EXOSC2: variants seen among roughly 807,000 people sequenced by gnomAD.
The protein encoded by EXOSC2 is exosome complex component RRP4.
EXOSC2 carries 29 observed loss-of-function variants against 37.6 expected under a neutral mutation model. The ratio of observed to expected loss-of-function variants is 0.77; its 90% CI spans 0.57 to 1.05. The LOEUF (loss-of-function observed/expected upper bound fraction) is 1.05. EXOSC2 is among the 50% of genes least tolerant of loss of function. The pLI is 0.00. For missense variants in EXOSC2, 346 were observed against 365.6 expected, an observed-to-expected ratio of 0.95 and a Z score of 0.44; for synonymous variants, 119 against 131.1, an observed-to-expected ratio of 0.91 and a Z score of 0.63.
chr9:130,700,534 CT>C (rs1369835269), intron 5 of EXOSC2, among the ~76,000 whole-genome samples: 3 of 150,404 alleles, frequency 2.0e-5, no homozygotes, highest in African/African-American at 7.4e-5. Flanking sequence ...TAATTTTGTA[CT>C]TTTAGTAGAG....
At chr9:130,697,887 A>T in intron 3 of EXOSC2, 1 of 534,980 alleles carries the variant, frequency 1.9e-6, no homozygotes, top group Non-Finnish European at 3.4e-6. Flanking sequence ...TCCACCTCCC[A>T]GGTTCAAGCG....
chr9:130,697,516 A>AACCACAAGACT, intron 2 of EXOSC2, 66 bp from the exon 3 acceptor site: 1 of 1,499,156 alleles, frequency 6.7e-7, no homozygotes, highest in South Asian at 1.1e-5. Context: ...GACATCTCAA[A>AACCACAAGACT]TGGTGTGTGG....
At chr9:130,695,640 A>G (rs755239894) in intron 2 of EXOSC2, 47 bp downstream of exon 2, 3 of 1,566,798 alleles carry the variant, frequency 1.9e-6, no homozygotes, top group Non-Finnish European at 2.6e-6. Flanking sequence ...ATCAGGTTGT[A>G]CAACCAGGCT....
At chr9:130,701,054 C>A in intron 6 of EXOSC2, 119 bp downstream of exon 6, 1 of 885,878 alleles carries the variant, frequency 1.1e-6, no homozygotes. Flanking sequence ...TTAATAGAGG[C>A]TGGCATCCCA....
At chr9:130,699,430 T>C in intron 5 of EXOSC2, 36 bp downstream of exon 5, 1 of 1,597,882 alleles carries the variant, frequency 6.3e-7, no homozygotes, top group Non-Finnish European at 8.6e-7. Flanking sequence ...TCTTGATGCT[T>C]TTCTGTGGGA....
At chr9:130,699,185 GCTTGGGTTACCTACT>G (rs1831159194) in intron 4 of EXOSC2, 129 bp from the exon 5 acceptor site, 1 of 783,378 alleles carries the variant, frequency 1.3e-6, no homozygotes, top group African/African-American at 1.7e-5. Flanking sequence ...CCCTCAAGTG[GCTTGGGTTACCTACT>G]CTTGCTATAG....
intron 1 of EXOSC2, 61 bp downstream of exon 1, chr9:130,693,974 G>A: frequency 6.5e-7 from 1 of 1,529,222 alleles, no homozygotes; most frequent in Non-Finnish European, 8.9e-7. Flanking sequence ...CTCTGCACGT[G>A]GTCCAGGCCT....
In EXOSC2 at chr9:130,694,752, T is replaced by C. The variant is rs1022580148; in HGVS notation, c.123-740T>C. 2.0e-5 allele frequency among the ~76,000 whole-genome samples: 3 copies of C among 152,162 alleles called. No individual in the cohort carries two copies. Among genetic ancestry groups the C allele is most frequent in the African/African-American group, 7.2e-5 (3 of 41,424 alleles). ...TTCTTTTTTGAGACGGAGTCTGTCT[T>C]AGATCAGTCGTGCGATCTCGGCTCA... On this transcript the variant is annotated intron_variant, in intron 1 of 8. Coordinates refer to ENST00000372358, the MANE Select transcript of EXOSC2 (RefSeq NM_014285.7). The surrounding 1 kb of genome is among the most constrained non-coding windows in gnomAD (Gnocchi z 4.0).
intron 6 of EXOSC2, 43 bp downstream of exon 6, chr9:130,700,978 C>T (rs760209446): frequency 1.3e-6 from 2 of 1,597,158 alleles, no homozygotes; most frequent in African/African-American, 1.3e-5. Flanking sequence ...ACTGAGACTA[C>T]AAGGCTATTT....
intron 6 of EXOSC2, chr9:130,701,591 G>A: frequency 2.0e-6 from 2 of 986,696 alleles, no homozygotes; most frequent in Non-Finnish European, 2.4e-6. Flanking sequence ...AGTAGGCAGA[G>A]GACTGCTGCA....
At chr9:130,702,370 T>G in intron 7 of EXOSC2, 60 bp downstream of exon 7, 1 of 1,478,400 alleles carries the variant, frequency 6.8e-7, no homozygotes. Flanking sequence ...TTGCTGTGTT[T>G]TTGTGGCCAG....
chr9:130,702,929 G>T, intron 7 of EXOSC2, 124 bp from the exon 8 acceptor site: 1 of 1,179,870 alleles, frequency 8.5e-7, no homozygotes, highest in South Asian at 1.4e-5. Flanking sequence ...TAGCTGTTTG[G>T]TTGATTTGGA....
chr9:130,694,342 G>A lies in EXOSC2; in HGVS notation c.122+429G>A, dbSNP rs1428400984. Among the ~76,000 whole-genome samples, 1 of 152,166 alleles carries A rather than the reference G, an allele frequency of 6.6e-6. No individual in the cohort carries two copies. The highest frequency in any genetic ancestry group is 1.5e-5 in the Non-Finnish European group (1 of 68,040). ...CGATCTTAGGGCAAACAGTTACATT[G>A]TGCTGCATGCACCCATTTATACACA... On this transcript the variant is annotated intron_variant, in intron 1 of 8. Coordinates refer to ENST00000372358, the MANE Select transcript of EXOSC2 (RefSeq NM_014285.7). The surrounding 1 kb of genome is among the most constrained non-coding windows in gnomAD (Gnocchi z 4.0).
intron 6 of EXOSC2, 141 bp downstream of exon 6, chr9:130,701,076 T>A: frequency 1.4e-6 from 1 of 740,414 alleles, no homozygotes; most frequent in East Asian, 2.7e-5. Context: ...AAACTGATCG[T>A]GTTCCTTAAA....
Position 130,693,932 on chromosome 9 carries a change from G to A in EXOSC2, c.122+19G>A. On this transcript the variant is annotated intron_variant, in intron 1 of 8. Coordinates refer to ENST00000372358, the MANE Select transcript of EXOSC2 (RefSeq NM_014285.7). The stretch of plus-strand genomic sequence containing the variant: ...TCATGCGGTACGTGGGGACTTGGGG[G>A]AGTCGAGGCTTCAGAGAGCGGCTTC... 2 of 1,583,584 alleles carry A rather than the reference G, an allele frequency of 1.3e-6. No homozygotes were observed. The highest frequency in any genetic ancestry group is 1.7e-6 in the Non-Finnish European group (2 of 1,158,084).
intron 6 of EXOSC2, chr9:130,701,914 AAG>A (rs1389130607): frequency 1.7e-5 from 23 of 1,367,406 alleles, no homozygotes; most frequent in Middle Eastern, 2.7e-4. Context: ...AATGACAGAG[AAG>A]AGTATTGAAG....
chr9:130,703,182 G>A lies in EXOSC2; in HGVS notation c.801+1G>A, dbSNP rs780641666. ...CTATGAAGCATCCCTTCCACATCAG[G>A]TACTCTCCCCAGGGCCTCTCCCTTC... On this transcript the variant is annotated splice_donor_variant, in intron 8 of 8. Transcript: ENST00000372358. LOFTEE classifies it high-confidence loss of function. The A allele has an allele frequency of 8.0e-5, 128 of 1,608,582 alleles. No homozygotes were observed. Among genetic ancestry groups the A allele is most frequent in the Non-Finnish European group, 9.4e-5 (110 of 1,176,292 alleles).
chr9:130,703,762 A>G lies in EXOSC2; in HGVS notation c.870A>G (p.Glu290=), dbSNP rs1831270019. ...IVMETRQRLL[E]QEG is the part of the protein sequence containing the mutation. ...TGGAAACACGCCAGAGGCTTTTGGA[A>G]CAGGAGGGATAAGGAGGTGCTCCAG... Residue 290 remains glutamate, a synonymous_variant, in exon 9 of 9, where the codon GAA becomes GAG. Transcript: ENST00000372358. 6.2e-7 allele frequency: 1 copy of G among 1,613,762 alleles called. No individual in the cohort carries two copies. The highest frequency in any genetic ancestry group is 8.5e-7 in the Non-Finnish European group (1 of 1,179,770).
In EXOSC2 at chr9:130,699,379, A is replaced by T; in HGVS notation, c.411A>T (p.Glu137Asp). The change falls in exon 5 of 9, where the codon GAA (glutamate) becomes GAT (aspartate). Residue 137 changes from glutamate (E) to aspartate (D), a missense_variant. Physicochemically the swap from Glu to Asp is conservative, Grantham distance 45. Coordinates refer to ENST00000372358, the MANE Select transcript of EXOSC2 (RefSeq NM_014285.7). Reference protein sequence around the residue: ...DELAMRGFLQEGDLISAEVQA... With the variant: ...DELAMRGFLQDGDLISAEVQA... ...TTGCAATGAGAGGTTTCTTACAGGA[A>T]GGGGACCTTATCAGTGTATCCTGCG... 6.2e-7 allele frequency: 1 copy of T among 1,614,234 alleles called. No individual in the cohort carries two copies. Among genetic ancestry groups the T allele is most frequent in the Non-Finnish European group, 8.5e-7 (1 of 1,180,046 alleles).
Sources: gnomAD v4.1 joint callset for allele counts (sites outside exome capture counted in the v4.1 genomes callset) on GRCh38, gnomAD v4.1.1 for gene constraint, Gnocchi (gnomAD v3.1) non-coding constraint, MANE v1.5 for transcripts, NCBI Gene and HGNC (gene_info 2026-07-23, HGNC 2026-07-21) for gene names.